AQP11: variants seen among roughly 807,000 people sequenced by gnomAD.
AQP11 encodes the protein aquaporin 11, also known as aquaporin-11.
In AQP11, 20 loss-of-function variants were observed where a neutral mutation model predicts 21.1. The ratio of observed to expected loss-of-function variants is 0.95; its 90% confidence interval spans 0.67 to 1.38. The LOEUF (loss-of-function observed/expected upper bound fraction) is 1.38, where lower values mean the gene tolerates loss of function less well. Among genes scored for constraint, AQP11 ranks in the 40% most tolerant of loss-of-function variants. The pLI is 0.00. For synonymous variants in AQP11, 167 were observed against 150.1 expected (o/e 1.11, Z -0.82); for missense variants, 339 against 340.4 (o/e 1.00, Z 0.03).
chr11:77,596,535 TAA>T lies in AQP11; in HGVS notation c.619+5926_619+5927del, dbSNP rs1475672022. ...GTAAATATATATGTAAATATATATG[TAA>T]ATATATATATATATATATATATATA... On this transcript the variant is annotated intron_variant, in intron 1 of 2. Coordinates refer to ENST00000313578, the MANE Select transcript of AQP11 (RefSeq NM_173039.3). Among the ~76,000 whole-genome samples the T allele has an allele frequency of 1.0e-3, 104 of 102,288 alleles. 4 individuals carry two copies. Among genetic ancestry groups the T allele is most frequent in the Middle Eastern group, 4.6e-3 (1 of 218 alleles). The allele number at this position is 102,288 out of a possible 152,430, so 67.1% of individuals were successfully genotyped here.
intron 1 of AQP11, among the ~76,000 whole-genome samples, chr11:77,597,902 C>T (rs1958793113): frequency 6.6e-6 from 1 of 151,836 alleles, no homozygotes; most frequent in Admixed American, 6.6e-5. Context: ...CATAGGCGCG[C>T]TGTAATTTTT....
At position 77,590,462 on chromosome 11, in the gene AQP11, A is replaced by C; in HGVS notation, c.470A>C (p.Asn157Thr). Reference sequence around the variant, plus strand: ...AGCGAGAGGAGCTTCGCTTGCAAGAATCCCATCCGAGTCGACTTGCTCAAA... The same window carrying C: ...AGCGAGAGGAGCTTCGCTTGCAAGACTCCCATCCGAGTCGACTTGCTCAAA... The part of the protein sequence containing the change: ...HVSERSFACK[N>T]PIRVDLLKAV... Residue 157 changes from asparagine to threonine, a missense_variant, in exon 1 of 3, where the codon AAT (asparagine) becomes ACT (threonine). Physicochemically the swap from Asn to Thr is moderately conservative, Grantham distance 65. Transcript: ENST00000313578. 1 of 1,614,128 alleles carries C rather than the reference A, an allele frequency of 6.2e-7. No individual in the cohort carries two copies. Among genetic ancestry groups the C allele is most frequent in the East Asian group, 2.2e-5 (1 of 44,872 alleles).
intron 1 of AQP11, among the ~76,000 whole-genome samples, chr11:77,596,459 T>TATATATATATATGTAA (rs1565117371): frequency 1.8e-4 from 24 of 130,634 alleles, no homozygotes; most frequent in African/African-American, 6.8e-4. Flanking sequence ...AAAAAAAATA[T>TATATATATATATGTAA]ATATATATAT....
intron 1 of AQP11, among the ~76,000 whole-genome samples, chr11:77,597,698 A>T (rs1020242669): frequency 1.3e-5 from 2 of 152,138 alleles, no homozygotes; most frequent in Non-Finnish European, 1.5e-5. Context: ...AATGTCCGGG[A>T]GTAGAGATTG....
chr11:77,605,156 G>A (rs1958836733), intron 2 of AQP11, among the ~76,000 whole-genome samples: 1 of 152,184 alleles, frequency 6.6e-6, no homozygotes, highest in Non-Finnish European at 1.5e-5. Context: ...TCGCACCACT[G>A]CACTCCAGCT....
intron 1 of AQP11, among the ~76,000 whole-genome samples, chr11:77,591,573 A>G (rs1958748163): frequency 6.6e-6 from 1 of 152,228 alleles, no homozygotes; most frequent in Admixed American, 6.5e-5. Flanking sequence ...TTCTAGGGTA[A>G]AAATGAAAGC....
At chr11:77,593,411 A>G (rs990645154) in intron 1 of AQP11, among the ~76,000 whole-genome samples, 2 of 152,196 alleles carry the variant, frequency 1.3e-5, no homozygotes, top group African/African-American at 2.4e-5. Flanking sequence ...CGAGGCGGGC[A>G]GATCACGAGG....
At chr11:77,595,886 G>T (rs918367466) in intron 1 of AQP11, among the ~76,000 whole-genome samples, 2 of 152,014 alleles carry the variant, frequency 1.3e-5, no homozygotes, top group African/African-American at 4.8e-5. Context: ...CCTGGAGGCG[G>T]AGGTTGCTGT....
Position 77,590,111 on chromosome 11 carries a change from A to AC in AQP11, c.120dup (p.Arg41GlnfsTer87). On this transcript the variant is annotated frameshift_variant, in exon 1 of 3. Transcript: ENST00000313578. LOFTEE classifies it high-confidence loss of function. ...CGCGTAGTCGCCCGGCAGCAGCTGC[A>AC]CAGGCCGGTGGCCCACGCCTTCGTC... 6.2e-7 allele frequency: 1 copy of AC among 1,607,852 alleles called. No individual in the cohort carries two copies.
In AQP11 at chr11:77,590,350, A is replaced by T. The variant is rs1030513222; in HGVS notation, c.358A>T (p.Arg120Trp). Residue 120 changes from arginine (R) to tryptophan (W), a missense_variant, in exon 1 of 3, where the codon AGG becomes TGG. Arg to Trp is a moderately radical substitution (Grantham distance 101). Coordinates refer to ENST00000313578, the MANE Select transcript of AQP11 (RefSeq NM_173039.3). ...GGMSPETGAV[R>W]LLAQLVSALC... The stretch of plus-strand genomic sequence containing the variant: ...CATGTCCCCCGAGACGGGTGCGGTG[A>T]GGCTATTGGCTCAGCTGGTTAGTGC... 10 of 1,610,474 alleles carry T rather than the reference A, an allele frequency of 6.2e-6. No homozygotes were observed. The African/African-American group carries it at 1.3e-4, about 22-fold the overall frequency.
In AQP11 at chr11:77,606,059, A is replaced by G. The variant is rs1486980375; in HGVS notation, c.736+2387A>G. On this transcript the variant is annotated intron_variant, in intron 2 of 2. Transcript: ENST00000313578. ...CTCAAAAAAAAAAAAAAAAAAAAAA[A>G]AAAAGCACAGTGGCACATGCCTGTA... is the stretch of plus-strand genomic sequence containing the variant. 2.1e-5 allele frequency among the ~76,000 whole-genome samples: 3 copies of G among 145,572 alleles called. No individual in the cohort carries two copies. In the Admixed American group the frequency reaches 2.1e-4, roughly 10 times the overall value.
chr11:77,591,261 CTT>C lies in AQP11; in HGVS notation c.619+651_619+652del, dbSNP rs1167838408. ...TAAAGATGCTTTTTAAAATATAACT[CTT>C]GAGAAATCTGTTGATTTCTTTTAAA... On this transcript the variant is annotated intron_variant, in intron 1 of 2. Transcript: ENST00000313578. 5 of 976,154 alleles carry C rather than the reference CTT, an allele frequency of 5.1e-6. No homozygotes were observed. In the African/African-American group the frequency reaches 7.0e-5, roughly 14 times the overall value. The allele number at this position is 976,154 out of a possible 1,614,324, so 60.5% of individuals were successfully genotyped here. A position where few individuals can be genotyped will look rare whatever the true frequency, so the allele number is the denominator to read the frequency against.
chr11:77,603,421 C>T, intron 1 of AQP11, 135 bp from the exon 2 acceptor site: 1 of 606,596 alleles, frequency 1.6e-6, no homozygotes, highest in Non-Finnish European at 2.9e-6. Context: ...TAAAATATGC[C>T]AGGTGATTCT....
At position 77,590,331 on chromosome 11, in the gene AQP11, C is replaced by A; in HGVS notation, c.339C>A (p.Ser113=). ...TGCAGATGATGCTGGGGGGCATGTC[C>A]CCCGAGACGGGTGCGGTGAGGCTAT... ...VMMQMMLGGM[S]PETGAVRLLA... Residue 113 remains serine, a synonymous_variant, in exon 1 of 3, where the codon TCC becomes TCA. Transcript: ENST00000313578. The A allele has an allele frequency of 6.2e-7, 1 of 1,610,514 alleles. No homozygotes were observed. Among genetic ancestry groups the A allele is most frequent in the Non-Finnish European group, 8.5e-7 (1 of 1,177,350 alleles).
In AQP11 at chr11:77,596,537, AATATATATATATAT is replaced by A. The variant is rs529433093; in HGVS notation, c.619+5939_619+5952del. 7.6e-4 allele frequency among the ~76,000 whole-genome samples: 66 copies of A among 86,572 alleles called. 2 individuals carry two copies. In the East Asian group the frequency reaches 0.017, roughly 23 times the overall value. 56.8% of individuals were successfully genotyped at this position (86,572 alleles called of 152,430 possible). ...AAATATATATGTAAATATATATGTAAATATATATATATATATATATATATATGTATGTAATGGTT... is the reference window on the plus strand; with the variant it reads ...AAATATATATGTAAATATATATGTAAATATATATATATGTATGTAATGGTT... On this transcript the variant is annotated intron_variant, in intron 1 of 2. Transcript: ENST00000313578.
At chr11:77,600,788 G>A (rs374971467) in intron 1 of AQP11, among the ~76,000 whole-genome samples, 7 of 152,096 alleles carry the variant, frequency 4.6e-5, no homozygotes, top group African/African-American at 4.8e-5. Flanking sequence ...CGAGGCGGGC[G>A]GATCACGAGG....
intron 2 of AQP11, among the ~76,000 whole-genome samples, chr11:77,606,057 A>C (rs1212213323): frequency 1.3e-5 from 2 of 149,126 alleles, no homozygotes; most frequent in African/African-American, 5.0e-5. Context: ...AAAAAAAAAA[A>C]AAAAAAGCAC....
At position 77,609,813 on chromosome 11, in the gene AQP11, C is replaced by G. The variant is rs1046192225; in HGVS notation, c.*436C>G. On this transcript the variant is annotated 3_prime_UTR_variant, in exon 3 of 3. Coordinates refer to ENST00000313578, the MANE Select transcript of AQP11 (RefSeq NM_173039.3). ...TACAGAACTGGGGAGAGGATACTTT[C>G]AGCCACCACCTCACAAAATGATACC... 2 of 152,626 alleles carry G rather than the reference C, an allele frequency of 1.3e-5. No homozygotes were observed. The highest frequency in any genetic ancestry group is 2.4e-5 in the African/African-American group (1 of 41,452). 9.5% of individuals were successfully genotyped at this position (152,626 alleles called of 1,614,324 possible). A position where few individuals can be genotyped will look rare whatever the true frequency, so the allele number is the denominator to read the frequency against.
chr11:77,600,532 G>A (rs1335395636), intron 1 of AQP11, among the ~76,000 whole-genome samples: 1 of 152,172 alleles, frequency 6.6e-6, no homozygotes, highest in Non-Finnish European at 1.5e-5. Context: ...ACAGGATGAG[G>A]AAACAATTTG....
Sources: gnomAD v4.1 joint callset for allele counts (sites outside exome capture counted in the v4.1 genomes callset) on GRCh38, gnomAD v4.1.1 for gene constraint, MANE v1.5 for transcripts, NCBI Gene and HGNC (gene_info 2026-07-23, HGNC 2026-07-21) for gene names.